Variants in SLC45A1 observed in about 807,000 individuals in gnomAD.
The protein encoded by SLC45A1 is proton-associated sugar transporter A.
Under a neutral mutation model 57.6 loss-of-function variants are expected in SLC45A1, and 28 were observed. The observed-to-expected ratio is 0.49, with a 90% CI of 0.36 to 0.67. The LOEUF (loss-of-function observed/expected upper bound fraction) is 0.67, where lower values mean the gene tolerates loss of function less well. Ranked by LOEUF, SLC45A1 falls within the 30% of genes least tolerant of loss-of-function variation. The probability of loss-of-function intolerance (pLI) is 0.00; values close to 1 mark genes in which losing one functional copy is unlikely to be tolerated. For missense variants in SLC45A1, 814 were observed against 1,041.5 expected (o/e 0.78, Z 3.01); for synonymous variants, 459 against 471.5 (o/e 0.97, Z 0.34).
At chr1:8,340,176 T>A (rs1187296390) in intron 8 of SLC45A1, among the ~76,000 whole-genome samples, 1 of 151,790 alleles carries the variant, frequency 6.6e-6, no homozygotes, top group Non-Finnish European at 1.5e-5. Context: ...TTTTTTTTTT[T>A]TTTTGAGATG....
intron 7 of SLC45A1, 84 bp downstream of exon 7, chr1:8,338,076 C>A: frequency 2.3e-6 from 3 of 1,302,386 alleles, no homozygotes; most frequent in Admixed American, 2.1e-5. Context: ...AGGTTCATGG[C>A]CTTACGATTG....
chr1:8,342,918 GAGAAA>G (rs1640876431), intron 8 of SLC45A1, among the ~76,000 whole-genome samples: 1 of 146,034 alleles, frequency 6.8e-6, no homozygotes, highest in Admixed American at 6.8e-5. Context: ...AAAAAGAAAA[GAGAAA>G]AGAAAGAAAG....
chr1:8,320,733 A>T (rs12404734), intron 1 of SLC45A1, among the ~76,000 whole-genome samples: 514 of 28,716 alleles, frequency 0.018, 5 homozygotes, highest in African/African-American at 0.044. Context: ...ACACACACAC[A>T]CCTGCCATAT....
In SLC45A1 at chr1:8,326,163, G is replaced by A. The variant is rs1640198129; in HGVS notation, c.715+121G>A. 14 of 717,532 alleles carry A rather than the reference G, an allele frequency of 2.0e-5. No individual in the cohort carries two copies. The highest frequency in any genetic ancestry group is 3.2e-5 in the Non-Finnish European group (14 of 431,226). The allele number at this position is 717,532 out of a possible 1,614,324, so 44.4% of individuals were successfully genotyped here. A position where few individuals can be genotyped will look rare whatever the true frequency, so the allele number is the denominator to read the frequency against. On this transcript the variant is annotated intron_variant, in intron 4 of 8. Transcript: ENST00000471889. This position sits in a 1 kb window ranked among gnomAD's most constrained non-coding sequence, Gnocchi z 5.5. ...AGAAGCTGGGAGAATTCCAATACATGGAGAAACACTGAAGTGATTGAAAAT... is the reference window on the plus strand; with the variant it reads ...AGAAGCTGGGAGAATTCCAATACATAGAGAAACACTGAAGTGATTGAAAAT...
chr1:8,337,458 G>A (rs3994814), intron 6 of SLC45A1, among the ~76,000 whole-genome samples: 34,413 of 151,894 alleles, frequency 0.23, 4,953 homozygotes, highest in East Asian at 0.65. Flanking sequence ...TCGCTCTGTC[G>A]CCCGGGCTGG....
rs1640673255 is a variant in SLC45A1 at position 8,337,918 on chromosome 1, A to G, written c.1700A>G (p.Gln567Arg). 6.2e-7 allele frequency: 1 copy of G among 1,614,122 alleles called. No homozygotes were observed. Among genetic ancestry groups the G allele is most frequent in the African/African-American group, 1.3e-5 (1 of 74,942 alleles). Residue 567 changes from glutamine to arginine, a missense_variant, in exon 7 of 9, where the codon CAG becomes CGG. Coordinates refer to ENST00000471889, the MANE Select transcript of SLC45A1 (RefSeq NM_001080397.3). ...PKAPHTSEAY[Q>R]KYNSGVTMGC... is the part of the protein sequence containing the mutation. Reference sequence around the variant, plus strand: ...GCCCCGCACACATCAGAGGCGTATCAGAAGTACAACAGCGGCGTGACCATG... The same window carrying G: ...GCCCCGCACACATCAGAGGCGTATCGGAAGTACAACAGCGGCGTGACCATG...
chr1:8,334,277 G>A (rs1480989670), intron 5 of SLC45A1, among the ~76,000 whole-genome samples: 6 of 152,236 alleles, frequency 3.9e-5, no homozygotes, highest in Admixed American at 2.6e-4. Context: ...TAACTGCAGC[G>A]CTGTTCCTCC....
chr1:8,339,767 A>G (rs777302772), intron 8 of SLC45A1, 69 bp downstream of exon 8: 11 of 1,394,074 alleles, frequency 7.9e-6, no homozygotes, highest in African/African-American at 1.4e-5. Context: ...ACTGTCCCCC[A>G]GGACCAGCTG....
At position 8,324,504 on chromosome 1, in the gene SLC45A1, T is replaced by TGGC; in HGVS notation, c.175_176insGGC (p.Ser59delinsTrpPro). On this transcript the variant is annotated protein_altering_variant, in exon 2 of 9. Coordinates refer to ENST00000471889, the MANE Select transcript of SLC45A1 (RefSeq NM_001080397.3). Reference sequence around the variant, plus strand: ...CAAGAGGAGGAAGTGCATTCGTCCCTCCCCACCCCCGCCCCCCAACACCCC... The same window carrying TGGC: ...CAAGAGGAGGAAGTGCATTCGTCCCTGGCCCCCACCCCCGCCCCCCAACACCCC... The TGGC allele has an allele frequency of 2.0e-6, 3 of 1,528,592 alleles. No individual in the cohort carries two copies. Among genetic ancestry groups the TGGC allele is most frequent in the Non-Finnish European group, 2.7e-6 (3 of 1,108,682 alleles). The allele number at this position is 1,528,592 out of a possible 1,614,324, so 94.7% of individuals were successfully genotyped here.
At position 8,322,660 on chromosome 1, in the gene SLC45A1, C is replaced by G. The variant is rs115724231; in HGVS notation, c.-24-1646C>G. Reference sequence around the variant, plus strand: ...GGAAAGTGGTATGGTAAGTTAATGTCAGGAAAAAAGTGGCTTACTTTTGAA... The same window carrying G: ...GGAAAGTGGTATGGTAAGTTAATGTGAGGAAAAAAGTGGCTTACTTTTGAA... On this transcript the variant is annotated intron_variant, in intron 1 of 8. Coordinates refer to ENST00000471889, the MANE Select transcript of SLC45A1 (RefSeq NM_001080397.3). Among the ~76,000 whole-genome samples, 980 of 152,140 alleles carry G rather than the reference C, an allele frequency of 6.4e-3. 6 individuals are homozygous for G. Among genetic ancestry groups the G allele is most frequent in the African/African-American group, 0.022 (928 of 41,484 alleles).
chr1:8,341,448 T>A (rs1042036954), intron 8 of SLC45A1, among the ~76,000 whole-genome samples: 8 of 147,260 alleles, frequency 5.4e-5, no homozygotes, highest in Non-Finnish European at 1.2e-4. Context: ...GGCAGGAGAA[T>A]GGCGTGAATC....
At position 8,335,716 on chromosome 1, in the gene SLC45A1, C is replaced by T; in HGVS notation, c.1597+126C>T. ...TTCTGAGTTCACCAGCCCCCAACAA[C>T]AGCACCAAGGGCAGGCCTGGGGTGT... On this transcript the variant is annotated intron_variant, in intron 6 of 8. Transcript: ENST00000471889. This position sits in a 1 kb window ranked among gnomAD's most constrained non-coding sequence, Gnocchi z 4.1. 9.1e-7 allele frequency: 1 copy of T among 1,101,662 alleles called. No homozygotes were observed. The highest frequency in any genetic ancestry group is 1.3e-6 in the Non-Finnish European group (1 of 799,172). 68.2% of individuals were successfully genotyped at this position (1,101,662 alleles called of 1,614,324 possible).
rs1283569008 is a variant in SLC45A1 at position 8,343,365 on chromosome 1, G to A, written c.1981-382G>A. ...ATGTGCAGAGGACTTTGGGGGTGTA[G>A]GGCAGGTCCCATCCTGGATGAAGGT... On this transcript the variant is annotated intron_variant, in intron 8 of 8. Coordinates refer to ENST00000471889, the MANE Select transcript of SLC45A1 (RefSeq NM_001080397.3). The surrounding 1 kb of genome is among the most constrained non-coding windows in gnomAD (Gnocchi z 7.7). Among the ~76,000 whole-genome samples, 1 of 152,186 alleles carries A rather than the reference G, an allele frequency of 6.6e-6. No individual in the cohort carries two copies. Among genetic ancestry groups the A allele is most frequent in the Non-Finnish European group, 1.5e-5 (1 of 68,028 alleles).
rs1640048911 is a variant in SLC45A1 at position 8,322,255 on chromosome 1, GATGGATGGA to G, written c.-24-2050_-24-2042del. 6.6e-4 allele frequency among the ~76,000 whole-genome samples: 2 copies of G among 3,048 alleles called. 1 individual carries two copies. Among genetic ancestry groups the G allele is most frequent in the African/African-American group, 4.1e-3 (2 of 490 alleles). 2.0% of individuals were successfully genotyped at this position (3,048 alleles called of 152,430 possible). On this transcript the variant is annotated intron_variant, in intron 1 of 8. Transcript: ENST00000471889. Reference sequence around the variant, plus strand: ...GGTGGGTGGGTGGATGGATGGATGAGATGGATGGATGGATGGATGGATGGATGGATGGAT... The same window carrying G: ...GGTGGGTGGGTGGATGGATGGATGAGTGGATGGATGGATGGATGGATGGAT...
In SLC45A1 at chr1:8,324,620, C is replaced by T. The variant is rs145180862; in HGVS notation, c.291C>T (p.Ile97=). Residue 97 remains isoleucine, a synonymous_variant, in exon 2 of 9, where the codon ATC becomes ATT. Transcript: ENST00000471889. ...TCAACGGCTGCATTCTCTTTGGCAT[C>T]GAGTTCAGCTACGCCATGGAGACGG... ...LLFNGCILFG[I]EFSYAMETAY... is the part of the protein sequence containing the mutation. 30 of 1,611,362 alleles carry T rather than the reference C, an allele frequency of 1.9e-5. No individual in the cohort carries two copies. In the East Asian group the frequency reaches 2.5e-4, roughly 13 times the overall value.
At chr1:8,342,477 C>T (rs1640857065) in intron 8 of SLC45A1, among the ~76,000 whole-genome samples, 8 of 152,150 alleles carry the variant, frequency 5.3e-5, no homozygotes, top group Admixed American at 5.2e-4. Flanking sequence ...TCTTCCTGTC[C>T]CCATGGACTT....
chr1:8,323,358 G>T (rs1640091146), intron 1 of SLC45A1, among the ~76,000 whole-genome samples: 1 of 152,096 alleles, frequency 6.6e-6, no homozygotes, highest in Non-Finnish European at 1.5e-5. Flanking sequence ...GGGCGTGGTG[G>T]GGGGTGCCTG....
intron 1 of SLC45A1, among the ~76,000 whole-genome samples, chr1:8,323,704 G>C (rs1156743036): frequency 1.3e-5 from 2 of 152,196 alleles, no homozygotes; most frequent in African/African-American, 4.8e-5. Flanking sequence ...GAAGGAAAAG[G>C]GTTTGTGTTA....
At chr1:8,334,360 C>T (rs564826266) in intron 5 of SLC45A1, among the ~76,000 whole-genome samples, 115 of 152,354 alleles carry the variant, frequency 7.5e-4, no homozygotes, top group Admixed American at 2.0e-3. Context: ...AGCTTCCTTT[C>T]CCACCAGGAG....
Sources: allele counts gnomAD v4.1 joint callset (sites outside exome capture counted in the v4.1 genomes callset), GRCh38; gene constraint gnomAD v4.1.1; non-coding constraint Gnocchi (gnomAD v3.1); transcripts MANE v1.5; gene names NCBI Gene and HGNC (gene_info 2026-07-23, HGNC 2026-07-21).